Variants in TRIM38 observed in about 807,000 individuals in gnomAD.
TRIM38 encodes the protein E3 ubiquitin-protein ligase TRIM38.
A neutral mutation model predicts 35.8 loss-of-function variants in TRIM38; 35 were observed. That is an observed-to-expected ratio of 0.98 (90% CI 0.75 to 1.30). TRIM38 has a LOEUF of 1.30. Ranked by LOEUF, TRIM38 falls within the 50% of genes most tolerant of loss-of-function variation. The probability of loss-of-function intolerance (pLI) is 0.00; values close to 1 mark genes in which losing one functional copy is unlikely to be tolerated. For synonymous variants in TRIM38, 198 were observed against 204.7 expected (o/e 0.97, Z 0.28); for missense variants, 545 against 556.9 (o/e 0.98, Z 0.21).
chr6:25,972,009 G>A lies in TRIM38; in HGVS notation c.648G>A (p.Glu216=), dbSNP rs762242457. The change falls in exon 5 of 8, where the codon GAG becomes GAA. Residue 216 remains glutamate, a synonymous_variant. Transcript: ENST00000357085. ...QQTLSRLRDY[E]AGLGLKSNEL... ...CTCTGAGTAGACTGAGGGACTATGA[G>A]GCTGGTCTGGGGCTGAAGAGCAATG... 6.2e-7 allele frequency: 1 copy of A among 1,614,158 alleles called. No homozygotes were observed. The highest frequency in any genetic ancestry group is 8.5e-7 in the Non-Finnish European group (1 of 1,180,014).
At chr6:25,975,818 C>T in intron 7 of TRIM38, 2 of 594,592 alleles carry the variant, frequency 3.4e-6, no homozygotes, top group Non-Finnish European at 4.2e-6. Context: ...ACTGATGGAG[C>T]TTCAGGCTGT....
rs146054057 is a variant in TRIM38 at position 25,983,570 on chromosome 6, C to T, written c.1281C>T (p.Asn427=). ...AGGCCGGAGTTGTATCCTTTTATAA[C>T]GGGAATACTGGCTGCCACATCTTTA... ...DYEAGVVSFY[N]GNTGCHIFTF... The change falls in exon 8 of 8, where the codon AAC becomes AAT. Residue 427 remains asparagine, a synonymous_variant. Transcript: ENST00000357085. 35 of 1,613,944 alleles carry T rather than the reference C, an allele frequency of 2.2e-5. No individual in the cohort carries two copies. Among genetic ancestry groups the T allele is most frequent in the African/African-American group, 1.2e-4 (9 of 74,888 alleles).
chr6:25,983,670 C>T lies in TRIM38; in HGVS notation c.1381C>T (p.Pro461Ser), dbSNP rs1421895980. The T allele has an allele frequency of 1.3e-6, 2 of 1,594,126 alleles. No individual in the cohort carries two copies. Among genetic ancestry groups the T allele is most frequent in the Non-Finnish European group, 1.7e-6 (2 of 1,171,088 alleles). Residue 461 changes from proline to serine, a missense_variant, in exon 8 of 8, where the codon CCT becomes TCT. By Grantham distance (74) the Pro-to-Ser change is moderately conservative (BLOSUM62 -1). Transcript: ENST00000357085. ...TTATCAATATTCTCCTTTGTTTCTG[C>T]CTCCCCCAGGTGACTAAGGAAAAGA... is the stretch of plus-strand genomic sequence containing the variant. Reference protein sequence around the residue: ...QVYQYSPLFLPPPGD With the variant: ...QVYQYSPLFLSPPGD
In TRIM38 at chr6:25,989,979, T is replaced by C. The variant is rs1010200310; in HGVS notation, c.*6292T>C. Reference sequence around the variant, plus strand: ...AAATTCACTATGTATTTGCAGAAAATGGCTTTCAATATTGTCTACTTTATC... The same window carrying C: ...AAATTCACTATGTATTTGCAGAAAACGGCTTTCAATATTGTCTACTTTATC... On this transcript the variant is annotated 3_prime_UTR_variant, in exon 8 of 8. Transcript: ENST00000357085. 2.6e-5 allele frequency: 4 copies of C among 151,760 alleles called. No individual in the cohort carries two copies. The highest frequency in any genetic ancestry group is 5.9e-5 in the Non-Finnish European group (4 of 67,972). The allele number at this position is 151,760 out of a possible 1,614,324, so 9.4% of individuals were successfully genotyped here.
intron 7 of TRIM38, among the ~76,000 whole-genome samples, chr6:25,981,648 T>C (rs1428763942): frequency 1.3e-5 from 2 of 152,224 alleles, no homozygotes; most frequent in East Asian, 1.9e-4. Flanking sequence ...CTAATGCTTA[T>C]GGAACATTAT....
rs1158955618 is a variant in TRIM38 at position 25,990,768 on chromosome 6, C to T, written c.*7081C>T. The T allele has an allele frequency of 1.3e-5, 2 of 151,402 alleles. No individual in the cohort carries two copies. The highest frequency in any genetic ancestry group is 2.9e-5 in the Non-Finnish European group (2 of 67,850). 9.4% of individuals were successfully genotyped at this position (151,402 alleles called of 1,614,324 possible). On this transcript the variant is annotated 3_prime_UTR_variant, in exon 8 of 8. Coordinates refer to ENST00000357085, the MANE Select transcript of TRIM38 (RefSeq NM_006355.5). ...ATTACTAATTATAATTCACAGTTATCCTTGTAACTCCTAATGTCTATATAA... is the reference window on the plus strand; with the variant it reads ...ATTACTAATTATAATTCACAGTTATTCTTGTAACTCCTAATGTCTATATAA...
intron 7 of TRIM38, among the ~76,000 whole-genome samples, chr6:25,981,024 AAGG>A (rs780599069): frequency 2.0e-5 from 3 of 152,232 alleles, no homozygotes; most frequent in Non-Finnish European, 4.4e-5. Flanking sequence ...GAGTTTGAAA[AAGG>A]AGGGTATTTA....
intron 2 of TRIM38, among the ~76,000 whole-genome samples, chr6:25,966,011 T>G (rs1357065019): frequency 6.6e-6 from 1 of 151,998 alleles, no homozygotes; most frequent in African/African-American, 2.4e-5. Context: ...ATGCAAAATT[T>G]ATCAGGACAA....
At chr6:25,980,409 T>C (rs889907587) in intron 7 of TRIM38, among the ~76,000 whole-genome samples, 2 of 151,856 alleles carry the variant, frequency 1.3e-5, no homozygotes, top group African/African-American at 4.8e-5. Flanking sequence ...TTTAGGTGAC[T>C]CCTTTCATTC....
intron 2 of TRIM38, among the ~76,000 whole-genome samples, chr6:25,964,301 A>G (rs1759950294): frequency 6.6e-6 from 1 of 152,218 alleles, no homozygotes. Flanking sequence ...ATATGTATGT[A>G]TAACGTTTAT....
At chr6:25,975,945 T>C (rs1760378635) in intron 7 of TRIM38, among the ~76,000 whole-genome samples, 1 of 152,212 alleles carries the variant, frequency 6.6e-6, no homozygotes, top group South Asian at 2.1e-4. Flanking sequence ...GCCGAGGTTG[T>C]TGTTAATCTT....
intron 3 of TRIM38, among the ~76,000 whole-genome samples, chr6:25,967,540 TTTTTTTTTTTC>T (rs1223142411): frequency 2.0e-4 from 14 of 71,108 alleles, no homozygotes; most frequent in Non-Finnish European, 3.2e-4. Context: ...TTTTTTTTTT[TTTTTTTTTTTC>T]CTGAGGTAGG....
intron 2 of TRIM38, among the ~76,000 whole-genome samples, chr6:25,966,112 C>T (rs927891257): frequency 3.9e-5 from 6 of 152,028 alleles, no homozygotes; most frequent in South Asian, 2.1e-4. Flanking sequence ...CTACATATTC[C>T]CGAGATTTGT....
intron 7 of TRIM38, among the ~76,000 whole-genome samples, chr6:25,976,819 A>G (rs1760407543): frequency 6.6e-6 from 1 of 152,212 alleles, no homozygotes; most frequent in African/African-American, 2.4e-5. Context: ...CAAGCAATAT[A>G]AGAGCTCTCA....
Position 25,971,673 on chromosome 6 carries a change from A to G in TRIM38, c.508-196A>G, listed in dbSNP as rs192034513. Among the ~76,000 whole-genome samples the G allele has an allele frequency of 3.9e-5, 6 of 152,290 alleles. No homozygotes were observed. In the East Asian group the frequency reaches 1.2e-3, roughly 29 times the overall value. Reference sequence around the variant, plus strand: ...ACTATTTTACTTTCTGTCTCTATGAACTTAACTACTCCAGATGCCTTGTAT... The same window carrying G: ...ACTATTTTACTTTCTGTCTCTATGAGCTTAACTACTCCAGATGCCTTGTAT... On this transcript the variant is annotated intron_variant, in intron 4 of 7. Transcript: ENST00000357085.
chr6:25,990,600 C>T lies in TRIM38; in HGVS notation c.*6913C>T, dbSNP rs548793879. The T allele has an allele frequency of 1.3e-5, 2 of 151,604 alleles. No homozygotes were observed. Among genetic ancestry groups the T allele is most frequent in the South Asian group, 4.2e-4 (2 of 4,802 alleles). 9.4% of individuals were successfully genotyped at this position (151,604 alleles called of 1,614,324 possible). A position where few individuals can be genotyped will look rare whatever the true frequency, so the allele number is the denominator to read the frequency against. On this transcript the variant is annotated 3_prime_UTR_variant, in exon 8 of 8. Transcript: ENST00000357085. Reference sequence around the variant, plus strand: ...ATTACAGGCTTGAGCCACCATGCCTCGCTTCTACACTTATTTTTAATTCTA... The same window carrying T: ...ATTACAGGCTTGAGCCACCATGCCTTGCTTCTACACTTATTTTTAATTCTA...
intron 2 of TRIM38, among the ~76,000 whole-genome samples, chr6:25,963,969 GGTT>G (rs1287809478): frequency 3.3e-5 from 5 of 152,048 alleles, no homozygotes; most frequent in African/African-American, 1.2e-4. Context: ...AACCAGTGTT[GGTT>G]GTTGTTCTTT....
chr6:25,979,731 A>AAAATT (rs1760494891), intron 7 of TRIM38, among the ~76,000 whole-genome samples: 1 of 151,660 alleles, frequency 6.6e-6, no homozygotes, highest in African/African-American at 2.4e-5. Flanking sequence ...TTCTTTTTAA[A>AAAATT]AAATTATATT....
chr6:25,981,844 T>C (rs1305350104), intron 7 of TRIM38, among the ~76,000 whole-genome samples: 2 of 152,228 alleles, frequency 1.3e-5, no homozygotes, highest in African/African-American at 4.8e-5. Context: ...TCATGATTCC[T>C]GGAAGTCCTG....
Sources: gnomAD v4.1 joint callset for allele counts (sites outside exome capture counted in the v4.1 genomes callset) on GRCh38, gnomAD v4.1.1 for gene constraint, MANE v1.5 for transcripts, NCBI Gene and HGNC (gene_info 2026-07-23, HGNC 2026-07-21) for gene names.